CDH20: variants seen among roughly 807,000 people sequenced by gnomAD.
The protein encoded by CDH20 is cadherin 20, also known as cadherin-20.
Under a neutral mutation model 74.2 loss-of-function variants are expected in CDH20, and 29 were observed. The ratio of observed to expected loss-of-function variants is 0.39; its 90% CI spans 0.29 to 0.53. The LOEUF is 0.53. Among genes scored for constraint, CDH20 ranks in the 20% least tolerant of loss-of-function variants. The probability of loss-of-function intolerance (pLI) is 0.69; values close to 1 mark genes in which losing one functional copy is unlikely to be tolerated. For synonymous variants in CDH20, 469 were observed against 405.4 expected (o/e 1.16, Z -1.88); for missense variants, 988 against 1,048.3 (o/e 0.94, Z 0.79).
intron 6 of CDH20, among the ~76,000 whole-genome samples, chr18:61,516,277 A>T (rs1330084627): frequency 6.6e-6 from 1 of 152,188 alleles, no homozygotes; most frequent in Admixed American, 6.5e-5. Flanking sequence ...CAATGTAACA[A>T]TTTTTTTAGG....
intron 1 of CDH20, among the ~76,000 whole-genome samples, chr18:61,466,798 GT>G (rs897063172): frequency 2.0e-5 from 3 of 152,226 alleles, no homozygotes; most frequent in African/African-American, 7.2e-5. Flanking sequence ...ACACACAGGA[GT>G]TTGGGCTCAG....
intron 11 of CDH20, 96 bp downstream of exon 11, chr18:61,550,325 C>T: frequency 7.1e-7 from 1 of 1,414,098 alleles, no homozygotes; most frequent in Non-Finnish European, 9.7e-7. Context: ...CAGAACTGGT[C>T]TTCCACACCT....
chr18:61,490,767 T>C lies in CDH20; in HGVS notation c.214T>C (p.Tyr72His). The C allele has an allele frequency of 6.2e-7, 1 of 1,614,020 alleles. No homozygotes were observed. The highest frequency in any genetic ancestry group is 8.5e-7 in the Non-Finnish European group (1 of 1,179,980). ...VWNQFFVLEEYTGTDPLYVGK... is the reference protein window; with the variant it reads ...VWNQFFVLEEHTGTDPLYVGK... ...GAACCAGTTTTTCGTTCTGGAAGAG[T>C]ACACTGGGACCGACCCTTTGTATGT... The change falls in exon 2 of 12, where the codon TAC becomes CAC. Residue 72 changes from tyrosine (Y) to histidine (H), a missense_variant. Physicochemically the swap from Tyr to His is moderately conservative, Grantham distance 83. This residue lies in a region of CDH20 where 613 missense variants were observed against 755.2 expected (regional missense o/e 0.81). Transcript: ENST00000262717.
At chr18:61,411,009 G>T (rs997307034) in intron 1 of CDH20, among the ~76,000 whole-genome samples, 1 of 152,050 alleles carries the variant, frequency 6.6e-6, no homozygotes, top group Non-Finnish European at 1.5e-5. Flanking sequence ...GACCATCCTG[G>T]TTAACACGGT....
At chr18:61,499,123 A>G in intron 2 of CDH20, 63 bp from the exon 3 acceptor site, 2 of 1,310,740 alleles carry the variant, frequency 1.5e-6, no homozygotes, top group South Asian at 1.6e-5. Flanking sequence ...CAAACTGAAA[A>G]TCAATGTGTT....
chr18:61,554,808 G>C lies in CDH20; in HGVS notation c.*113G>C, dbSNP rs188170161. 3 of 1,434,402 alleles carry C rather than the reference G, an allele frequency of 2.1e-6. No individual in the cohort carries two copies. The Admixed American group carries it at 8.3e-5, about 39-fold the overall frequency. 88.9% of individuals were successfully genotyped at this position (1,434,402 alleles called of 1,614,324 possible). A position where few individuals can be genotyped will look rare whatever the true frequency, so the allele number is the denominator to read the frequency against. ...ACTGTGCTGGAGAGTGAGAATGGGG[G>C]TGAGCAGGCGAACAGAGCTCTCTCT... On this transcript the variant is annotated 3_prime_UTR_variant, in exon 12 of 12. Coordinates refer to ENST00000262717, the MANE Select transcript of CDH20 (RefSeq NM_031891.4).
rs141080030 is a variant in CDH20 at position 61,499,303 on chromosome 18, C to A, written c.364C>A (p.Leu122Ile). The change falls in exon 3 of 12, where the codon CTC (leucine) becomes ATC (isoleucine). Residue 122 changes from leucine to isoleucine, a missense_variant. Around this residue, in one of 2 missense-constraint regions of CDH20, gnomAD observed 613 missense variants for 755.2 expected, o/e 0.81. Coordinates refer to ENST00000262717, the MANE Select transcript of CDH20 (RefSeq NM_031891.4). ...TGGAGACATCCACGCCATTCAGAGG[C>A]TCGACCGAGAGGAAAGAGCCCAGTA... ...TTGDIHAIQRLDREERAQYTL... is the reference protein window; with the variant it reads ...TTGDIHAIQRIDREERAQYTL... 4.6e-5 allele frequency: 75 copies of A among 1,613,904 alleles called. No individual in the cohort carries two copies. The African/African-American group carries it at 8.7e-4, about 19-fold the overall frequency.
chr18:61,494,812 G>A (rs1324955688), intron 2 of CDH20, among the ~76,000 whole-genome samples: 1 of 152,084 alleles, frequency 6.6e-6, no homozygotes, highest in African/African-American at 2.4e-5. Flanking sequence ...ACGAATCTGT[G>A]GGTCCAAATC....
chr18:61,519,296 G>A (rs2144354494), intron 6 of CDH20, among the ~76,000 whole-genome samples: 1 of 151,142 alleles, frequency 6.6e-6, no homozygotes, highest in South Asian at 2.1e-4. Flanking sequence ...TCCTCGAGAA[G>A]AGCAACCCCA....
At chr18:61,456,081 CA>C (rs1909561964) in intron 1 of CDH20, among the ~76,000 whole-genome samples, 1 of 152,318 alleles carries the variant, frequency 6.6e-6, no homozygotes, top group African/African-American at 2.4e-5. Flanking sequence ...TAACAAGCTT[CA>C]CCGTTTGGGG....
At chr18:61,416,240 T>A (rs1394144250) in intron 1 of CDH20, among the ~76,000 whole-genome samples, 1 of 152,204 alleles carries the variant, frequency 6.6e-6, no homozygotes, top group Non-Finnish European at 1.5e-5. Flanking sequence ...AAACCATTTT[T>A]AAAAATTTCA....
At chr18:61,528,888 A>T (rs906072248) in intron 7 of CDH20, among the ~76,000 whole-genome samples, 1 of 152,242 alleles carries the variant, frequency 6.6e-6, no homozygotes, top group Non-Finnish European at 1.5e-5. Flanking sequence ...TAGAAAGAGC[A>T]GACATAGAAA....
At chr18:61,376,106 T>A (rs990629445) in intron 1 of CDH20, among the ~76,000 whole-genome samples, 16 of 152,228 alleles carry the variant, frequency 1.1e-4, no homozygotes, top group African/African-American at 3.9e-4. Flanking sequence ...TTATTCATTT[T>A]TGCAGAGAAT....
rs950939999 is a variant in CDH20, at chr18:61,366,930, C to T, written c.-153+33103C>T. ...TATAGATGAGGCTTATGAGAATATA[C>T]GATGAATATATTAGGGCGCAAACAG... On this transcript the variant is annotated intron_variant, in intron 1 of 11. Transcript: ENST00000262717. Among the ~76,000 whole-genome samples the T allele has an allele frequency of 3.9e-5, 6 of 152,154 alleles. 1 individual carries two copies. Among genetic ancestry groups the T allele is most frequent in the South Asian group, 4.1e-4 (2 of 4,820 alleles).
At chr18:61,529,122 C>G (rs1912553533) in intron 7 of CDH20, among the ~76,000 whole-genome samples, 1 of 152,212 alleles carries the variant, frequency 6.6e-6, no homozygotes, top group Admixed American at 6.5e-5. Flanking sequence ...GACACCACAA[C>G]CTTCCAGAGC....
chr18:61,491,539 G>T (rs1362370484), intron 2 of CDH20, among the ~76,000 whole-genome samples: 2 of 152,182 alleles, frequency 1.3e-5, no homozygotes, highest in Admixed American at 6.5e-5. Flanking sequence ...TTCAAACACA[G>T]GTGGGTTCAA....
At chr18:61,432,441 A>C (rs901395442) in intron 1 of CDH20, among the ~76,000 whole-genome samples, 1 of 152,042 alleles carries the variant, frequency 6.6e-6, no homozygotes, top group Non-Finnish European at 1.5e-5. Flanking sequence ...TTTTTGGTAG[A>C]TAATAGTCTT....
intron 1 of CDH20, among the ~76,000 whole-genome samples, chr18:61,402,805 A>C (rs1912199051): frequency 6.6e-6 from 1 of 152,192 alleles, no homozygotes; most frequent in Admixed American, 6.5e-5. Context: ...TTCAATATTG[A>C]AACTTGAACA....
intron 1 of CDH20, among the ~76,000 whole-genome samples, chr18:61,462,345 C>T (rs1025191628): frequency 6.6e-6 from 1 of 152,094 alleles, no homozygotes; most frequent in Non-Finnish European, 1.5e-5. Flanking sequence ...CAGCATGAAT[C>T]GGCCTTAGGT....
Sources: gnomAD v4.1 joint callset for allele counts (sites outside exome capture counted in the v4.1 genomes callset) on GRCh38, gnomAD v4.1.1 for gene constraint, gnomAD v4.1.1 regional missense constraint, MANE v1.5 for transcripts, NCBI Gene and HGNC (gene_info 2026-07-23, HGNC 2026-07-21) for gene names.